The following KHDRBS2 variants were observed in gnomAD, a reference collection of about 807,000 sequenced individuals.
KHDRBS2 encodes the protein KH RNA binding domain containing, signal transduction associated 2, also known as KH domain-containing, RNA-binding, signal transduction-associated protein 2.
Under a neutral mutation model 44.3 loss-of-function variants are expected in KHDRBS2, and 26 were observed. That is an observed-to-expected ratio of 0.59 (90% CI 0.43 to 0.81). The LOEUF (loss-of-function observed/expected upper bound fraction) is 0.81. KHDRBS2 is among the 40% of genes least tolerant of loss of function. The probability of loss-of-function intolerance (pLI) is 0.00; values close to 1 mark genes in which losing one functional copy is unlikely to be tolerated. For missense variants in KHDRBS2, 476 were observed against 433.1 expected, an observed-to-expected ratio of 1.10 and a Z score of -0.88; for synonymous variants, 194 against 151.1, an observed-to-expected ratio of 1.28 and a Z score of -2.08.
At chr6:62,240,587 A>G (rs1425241348) in intron 1 of KHDRBS2, among the ~76,000 whole-genome samples, 6 of 148,422 alleles carry the variant, frequency 4.0e-5, no homozygotes, top group African/African-American at 1.2e-4. Context: ...ACATATATAC[A>G]TAATACATAT....
At position 62,064,135 on chromosome 6, in the gene KHDRBS2, A is replaced by G. The variant is rs1266736484; in HGVS notation, c.220-16141T>C. On this transcript the variant is annotated intron_variant, in intron 2 of 8. Transcript: ENST00000281156. Reference sequence around the variant, plus strand: ...ACTGTTCAAGGAAATAAAAGAGTATACAAACAAATGGAAGAACATTCCATG... The same window carrying G: ...ACTGTTCAAGGAAATAAAAGAGTATGCAAACAAATGGAAGAACATTCCATG... Among the ~76,000 whole-genome samples the G allele has an allele frequency of 6.4e-5, 4 of 62,944 alleles. 1 individual carries two copies. The highest frequency in any genetic ancestry group is 1.5e-4 in the African/African-American group (4 of 25,956). The allele number at this position is 62,944 out of a possible 152,430, so 41.3% of individuals were successfully genotyped here. A position where few individuals can be genotyped will look rare whatever the true frequency, so the allele number is the denominator to read the frequency against.
chr6:61,632,587 G>A, the KHDRBS2 span, among the ~76,000 whole-genome samples: 3,720 of 152,236 alleles, frequency 0.024, 71 homozygotes, highest in Middle Eastern at 0.088. Flanking sequence ...GCAATTGATT[G>A]TGAATGGCAT....
At chr6:61,597,730 T>A in the KHDRBS2 span, among the ~76,000 whole-genome samples, 210 of 31,276 alleles carry the variant, frequency 6.7e-3, 1 homozygote, top group East Asian at 0.026. Flanking sequence ...ATTTTGCACC[T>A]TTTATATATA....
chr6:61,916,308 G>T (rs1033523092), intron 4 of KHDRBS2, among the ~76,000 whole-genome samples: 3 of 151,952 alleles, frequency 2.0e-5, no homozygotes, highest in African/African-American at 7.2e-5. Context: ...AACTACTCTT[G>T]CTATTCCTTT....
At chr6:61,898,680 C>G (rs931048621) in intron 5 of KHDRBS2, among the ~76,000 whole-genome samples, 10 of 151,850 alleles carry the variant, frequency 6.6e-5, no homozygotes, top group African/African-American at 2.2e-4. Flanking sequence ...ATTTAGAACC[C>G]AGGCATTCTC....
chr6:62,025,547 A>G (rs1255298701), intron 3 of KHDRBS2, among the ~76,000 whole-genome samples: 1 of 151,934 alleles, frequency 6.6e-6, no homozygotes, highest in South Asian at 2.1e-4. Context: ...TAAATAATAC[A>G]AGACCTCAAT....
At chr6:62,206,290 C>A (rs942804427) in intron 1 of KHDRBS2, among the ~76,000 whole-genome samples, 5 of 152,022 alleles carry the variant, frequency 3.3e-5, no homozygotes, top group African/African-American at 1.2e-4. Flanking sequence ...ACAAACAGGT[C>A]ATAATAAATC....
At chr6:61,836,249 A>G (rs1396899623) in intron 6 of KHDRBS2, among the ~76,000 whole-genome samples, 1 of 152,034 alleles carries the variant, frequency 6.6e-6, no homozygotes, top group Non-Finnish European at 1.5e-5. Context: ...CAAAATGGCT[A>G]TTCAAACTAC....
At chr6:61,980,478 G>A (rs572007992) in intron 3 of KHDRBS2, among the ~76,000 whole-genome samples, 1 of 152,266 alleles carries the variant, frequency 6.6e-6, no homozygotes, top group South Asian at 2.1e-4. Context: ...AAAAATTGTA[G>A]AAGTTTTATA....
chr6:62,027,778 G>A lies in KHDRBS2; in HGVS notation c.336+20100C>T, dbSNP rs377470226. On this transcript the variant is annotated intron_variant, in intron 3 of 8. Transcript: ENST00000281156. ...CACATAGAGGTGGTGGGAGGGTGCC[G>A]TGCCTAGAGAGGGCATGGAAGTTCT... Among the ~76,000 whole-genome samples, 23 of 152,196 alleles carry A rather than the reference G, an allele frequency of 1.5e-4. 1 individual carries two copies. In the East Asian group the frequency reaches 2.3e-3, roughly 15 times the overall value.
At chr6:61,960,974 A>T (rs1768561366) in intron 4 of KHDRBS2, among the ~76,000 whole-genome samples, 1 of 152,084 alleles carries the variant, frequency 6.6e-6, no homozygotes, top group African/African-American at 2.4e-5. Context: ...AGAATTTATA[A>T]TACAATTGAA....
intron 2 of KHDRBS2, among the ~76,000 whole-genome samples, chr6:62,133,025 C>T (rs1810684430): frequency 6.6e-6 from 1 of 152,160 alleles, no homozygotes; most frequent in Non-Finnish European, 1.5e-5. Flanking sequence ...AACTATTCAA[C>T]TCTGTCATAA....
At chr6:61,829,263 G>A (rs552719610) in intron 6 of KHDRBS2, among the ~76,000 whole-genome samples, 5 of 152,266 alleles carry the variant, frequency 3.3e-5, no homozygotes, top group Admixed American at 2.0e-4. Context: ...CCGGGTTAAA[G>A]CAATTCTCCT....
chr6:61,942,189 C>G (rs896132257), intron 4 of KHDRBS2, among the ~76,000 whole-genome samples: 1 of 151,978 alleles, frequency 6.6e-6, no homozygotes, highest in Non-Finnish European at 1.5e-5. Context: ...GAACTCTTGG[C>G]CTCAAGTGAT....
At position 61,768,659 on chromosome 6, in the gene KHDRBS2, T is replaced by C. The variant is rs192342562; in HGVS notation, c.811-35895A>G. ...TGCTGCTAGGAGACTCTGATGCATT[T>C]TTCAGTGTGTCAATTGCATTTTTTT... On this transcript the variant is annotated intron_variant, in intron 6 of 8. Coordinates refer to ENST00000281156, the MANE Select transcript of KHDRBS2 (RefSeq NM_152688.4). Among the ~76,000 whole-genome samples the C allele has an allele frequency of 1.6e-4, 24 of 152,146 alleles. No individual in the cohort carries two copies. In the East Asian group the frequency reaches 4.5e-3, roughly 28 times the overall value.
At chr6:62,204,895 G>T (rs115132530) in intron 1 of KHDRBS2, among the ~76,000 whole-genome samples, 2,128 of 152,084 alleles carry the variant, frequency 0.014, 43 homozygotes, top group African/African-American at 0.048. Context: ...GTATAAATGG[G>T]CCTATGTAGT....
chr6:61,905,983 G>T (rs1036924059), intron 4 of KHDRBS2, among the ~76,000 whole-genome samples: 2 of 150,396 alleles, frequency 1.3e-5, no homozygotes, highest in African/African-American at 4.9e-5. Flanking sequence ...AGCCTCTTGA[G>T]ATTACCGGTG....
intron 6 of KHDRBS2, among the ~76,000 whole-genome samples, chr6:61,792,067 C>T (rs1215087620): frequency 1.3e-5 from 2 of 150,992 alleles, no homozygotes; most frequent in Non-Finnish European, 3.0e-5. Flanking sequence ...CACTCTGTTT[C>T]TATTCCTTGT....
At chr6:61,592,446 C>A in the KHDRBS2 span, among the ~76,000 whole-genome samples, 14 of 152,102 alleles carry the variant, frequency 9.2e-5, no homozygotes, top group Admixed American at 3.3e-4. Flanking sequence ...TCACAGGTAG[C>A]AGACCTCAGA....
Sources: allele counts gnomAD v4.1 joint callset (sites outside exome capture counted in the v4.1 genomes callset), GRCh38; gene constraint gnomAD v4.1.1; transcripts MANE v1.5; gene names NCBI Gene and HGNC (gene_info 2026-07-23, HGNC 2026-07-21).